Variants in TMEM108 observed in about 807,000 individuals in gnomAD.
The protein encoded by TMEM108 is transmembrane protein 108, also known as cancer/testis antigen 124.
In TMEM108, 12 loss-of-function variants were observed where a neutral mutation model predicts 35.1. The ratio of observed to expected loss-of-function variants is 0.34; its 90% CI spans 0.22 to 0.55. The LOEUF (loss-of-function observed/expected upper bound fraction) is 0.55, where lower values mean the gene tolerates loss of function less well. TMEM108 is among the 20% of genes least tolerant of loss of function. TMEM108 has a pLI of 0.89. For missense variants in TMEM108, 680 were observed against 753.3 expected, an observed-to-expected ratio of 0.90 and a Z score of 1.14; for synonymous variants, 287 against 308.6, an observed-to-expected ratio of 0.93 and a Z score of 0.73.
At chr3:133,045,211 G>A (rs1028122559) in intron 1 of TMEM108, among the ~76,000 whole-genome samples, 4 of 152,012 alleles carry the variant, frequency 2.6e-5, no homozygotes, top group South Asian at 2.1e-4. Flanking sequence ...CTTGTGATCC[G>A]CCCACCTCAA....
intron 2 of TMEM108, among the ~76,000 whole-genome samples, chr3:133,127,100 C>A (rs1320492035): frequency 6.6e-6 from 1 of 152,014 alleles, no homozygotes; most frequent in Non-Finnish European, 1.5e-5. Context: ...TCAATTGGGA[C>A]ACTGAAGTTT....
chr3:133,387,773 TTAAG>T (rs1444674639), intron 4 of TMEM108: 5 of 922,516 alleles, frequency 5.4e-6, no homozygotes, highest in Non-Finnish European at 3.9e-6. Flanking sequence ...CTGAGAGAGG[TTAAG>T]TAACTTACTC....
At chr3:133,237,799 C>G (rs2370047) in intron 3 of TMEM108, among the ~76,000 whole-genome samples, 1 of 152,208 alleles carries the variant, frequency 6.6e-6, no homozygotes, top group Non-Finnish European at 1.5e-5. Flanking sequence ...TTTGTGTTAG[C>G]AAATGCTTTT....
chr3:133,083,990 C>T (rs1306508295), intron 2 of TMEM108, among the ~76,000 whole-genome samples: 2 of 152,044 alleles, frequency 1.3e-5, no homozygotes, highest in Non-Finnish European at 2.9e-5. Context: ...TCTCTTGACA[C>T]GGTTATAGGG....
At chr3:133,062,613 A>T (rs1223022678) in intron 2 of TMEM108, among the ~76,000 whole-genome samples, 1 of 152,262 alleles carries the variant, frequency 6.6e-6, no homozygotes, top group Non-Finnish European at 1.5e-5. Flanking sequence ...AAATGTATTT[A>T]CACATAATTA....
At chr3:133,221,085 C>CA (rs1392489846) in intron 2 of TMEM108, among the ~76,000 whole-genome samples, 1 of 152,114 alleles carries the variant, frequency 6.6e-6, no homozygotes, top group African/African-American at 2.4e-5. Context: ...AAGTGTTTAC[C>CA]AACCAGTAAG....
intron 2 of TMEM108, among the ~76,000 whole-genome samples, chr3:133,086,412 G>T (rs1361394302): frequency 6.6e-6 from 1 of 152,058 alleles, no homozygotes; most frequent in Non-Finnish European, 1.5e-5. Context: ...CATAGTGAGG[G>T]TTTTGTACCT....
At chr3:133,058,616 G>A (rs544950796) in intron 2 of TMEM108, among the ~76,000 whole-genome samples, 2 of 152,358 alleles carry the variant, frequency 1.3e-5, no homozygotes, top group African/African-American at 2.4e-5. Context: ...TGAGGGGTGA[G>A]AGGCCCCCAG....
intron 3 of TMEM108, among the ~76,000 whole-genome samples, chr3:133,340,951 GTA>G (rs1444797113): frequency 3.3e-5 from 5 of 151,624 alleles, no homozygotes; most frequent in Non-Finnish European, 5.9e-5. Context: ...CCAATCACTA[GTA>G]TCATACTGAA....
chr3:133,296,482 G>A (rs1947146848), intron 3 of TMEM108, among the ~76,000 whole-genome samples: 1 of 151,878 alleles, frequency 6.6e-6, no homozygotes, highest in South Asian at 2.1e-4. Flanking sequence ...AACTAGCCAG[G>A]CTAACGAAGT....
intron 2 of TMEM108, among the ~76,000 whole-genome samples, chr3:133,107,889 T>C (rs1944175077): frequency 6.6e-6 from 1 of 152,198 alleles, no homozygotes; most frequent in Admixed American, 6.5e-5. Flanking sequence ...TGGCTCCACA[T>C]CTTTGGATTT....
At chr3:133,391,029 G>A (rs2073227901) in intron 5 of TMEM108, among the ~76,000 whole-genome samples, 1 of 152,180 alleles carries the variant, frequency 6.6e-6, no homozygotes, top group Non-Finnish European at 1.5e-5. Context: ...GTGGCGTAGA[G>A]GCCAGAGTGA....
At chr3:133,357,591 C>A (rs2072212611) in intron 3 of TMEM108, among the ~76,000 whole-genome samples, 1 of 152,194 alleles carries the variant, frequency 6.6e-6, no homozygotes, top group Non-Finnish European at 1.5e-5. Flanking sequence ...GAACACTACT[C>A]AGCCATAAAA....
intron 2 of TMEM108, among the ~76,000 whole-genome samples, chr3:133,048,813 G>A (rs540812229): frequency 6.6e-6 from 1 of 152,278 alleles, no homozygotes; most frequent in Admixed American, 6.5e-5. Context: ...GAAGAAAGAG[G>A]CACTTTGGTG....
intron 3 of TMEM108, among the ~76,000 whole-genome samples, chr3:133,235,335 C>T (rs1946219498): frequency 6.6e-6 from 1 of 152,090 alleles, no homozygotes; most frequent in Non-Finnish European, 1.5e-5. Context: ...AGGCATCACG[C>T]TACCTGACTT....
chr3:133,105,209 G>C (rs951548192), intron 2 of TMEM108, among the ~76,000 whole-genome samples: 1 of 152,182 alleles, frequency 6.6e-6, no homozygotes, highest in African/African-American at 2.4e-5. Context: ...GAGCTCACCA[G>C]GTGGTTGGCA....
intron 3 of TMEM108, among the ~76,000 whole-genome samples, chr3:133,315,240 G>A (rs1466523882): frequency 6.6e-6 from 1 of 152,158 alleles, no homozygotes; most frequent in African/African-American, 2.4e-5. Context: ...GTAACCAGTG[G>A]TTCAGTAACT....
chr3:133,216,518 C>T (rs117363061), intron 2 of TMEM108, among the ~76,000 whole-genome samples: 1,889 of 152,192 alleles, frequency 0.012, 18 homozygotes, highest in South Asian at 0.024. Context: ...TAACTATTGT[C>T]ACCATGTTAT....
intron 2 of TMEM108, among the ~76,000 whole-genome samples, chr3:133,185,799 T>TTTTTTTTTTG (rs1945411991): frequency 8.2e-6 from 1 of 121,896 alleles, no homozygotes; most frequent in Non-Finnish European, 1.8e-5. Flanking sequence ...TTTTTTTTTT[T>TTTTTTTTTTG]GAGACAGAGT....
Sources: gnomAD v4.1 joint callset for allele counts (sites outside exome capture counted in the v4.1 genomes callset) on GRCh38, gnomAD v4.1.1 for gene constraint, MANE v1.5 for transcripts, NCBI Gene and HGNC (gene_info 2026-07-23, HGNC 2026-07-21) for gene names.